The following CLTRN variants were observed in gnomAD, a reference collection of about 807,000 sequenced individuals.
The protein encoded by CLTRN is collectrin.
A neutral mutation model predicts 14.5 loss-of-function variants in CLTRN; 12 were observed. The observed-to-expected ratio is 0.83, with a 90% confidence interval of 0.53 to 1.34. The LOEUF (loss-of-function observed/expected upper bound fraction) is 1.34, where lower values mean the gene tolerates loss of function less well. Ranked by LOEUF, CLTRN falls within the 40% of genes most tolerant of loss-of-function variation. The probability of loss-of-function intolerance (pLI) is 0.00; values close to 1 mark genes in which losing one functional copy is unlikely to be tolerated. For synonymous variants in CLTRN, 58 were observed against 56.5 expected (o/e 1.03, Z -0.12); for missense variants, 154 against 165.1 (o/e 0.93, Z 0.37).
chrX:15,646,694 G>A (rs1929084763), intron 3 of CLTRN: 1 of 341,813 alleles, frequency 2.9e-6, no homozygotes, highest in African/African-American at 2.6e-5. Context: ...CCGAGGCCTG[G>A]AGGTGCTTTC....
upstream of CLTRN, chrX:15,664,956 C>T: frequency 4.7e-6 from 2 of 426,552 alleles, no homozygotes; most frequent in Non-Finnish European, 8.3e-6. Context: ...AACAGCCCAT[C>T]TCCTGTCAGT....
At chrX:15,648,106 C>T (rs925283237) in intron 3 of CLTRN, among the ~76,000 whole-genome samples, 6 of 101,518 alleles carry the variant, frequency 5.9e-5, no homozygotes, top group African/African-American at 2.2e-4. Flanking sequence ...GAACAGAAAA[C>T]GCAGCTACCA....
At chrX:15,637,377 A>G (rs16980050) in intron 5 of CLTRN, among the ~76,000 whole-genome samples, 4,311 of 111,783 alleles carry the variant, frequency 0.039, 202 homozygotes, top group African/African-American at 0.12. Context: ...TTTGTCCAGG[A>G]GAAACCCATC....
At chrX:15,663,113 G>A (rs1217947612) in intron 2 of CLTRN, among the ~76,000 whole-genome samples, 1 of 111,876 alleles carries the variant, frequency 8.9e-6, no homozygotes, top group Non-Finnish European at 1.9e-5. Flanking sequence ...CCTTGACAAA[G>A]CCGAAGTGCC....
Position 15,645,001 on chromosome X carries a change from T to TAGG in CLTRN, c.231_232insCCT (p.Val77_Thr78insPro). 1 of 1,201,260 alleles carries TAGG rather than the reference T, an allele frequency of 8.3e-7. No homozygotes were observed. Among genetic ancestry groups the TAGG allele is most frequent in the South Asian group, 1.8e-5 (1 of 54,752 alleles). The stretch of plus-strand genomic sequence containing the variant: ...ACAAACCAGAATGATACCCTCTGGG[T>TAGG]TACATTGCAAAGTAGGACATGGGAA... On this transcript the variant is annotated inframe_insertion, in exon 4 of 6. Coordinates refer to ENST00000380342, the MANE Select transcript of CLTRN (RefSeq NM_020665.6).
At chrX:15,661,391 G>A (rs1929503044) in intron 2 of CLTRN, among the ~76,000 whole-genome samples, 1 of 111,963 alleles carries the variant, frequency 8.9e-6, no homozygotes, top group South Asian at 3.7e-4. Flanking sequence ...TTTGGTCACA[G>A]AACAAAGGTC....
chrX:15,662,999 G>A (rs1365002390), intron 2 of CLTRN, among the ~76,000 whole-genome samples: 1 of 111,361 alleles, frequency 9.0e-6, no homozygotes, highest in Non-Finnish European at 1.9e-5. Context: ...TCCTTCCTGT[G>A]ATAAGCCTTT....
At chrX:15,635,488 G>T (rs943867212) in intron 5 of CLTRN, among the ~76,000 whole-genome samples, 2 of 112,087 alleles carry the variant, frequency 1.8e-5, no homozygotes, top group Admixed American at 1.9e-4. Context: ...TGCACTTATG[G>T]TCAACAGATC....
intron 3 of CLTRN, among the ~76,000 whole-genome samples, chrX:15,652,181 T>C (rs184165137): frequency 5.5e-4 from 62 of 112,370 alleles, no homozygotes; most frequent in African/African-American, 1.7e-3. Flanking sequence ...TGTGACTACA[T>C]TGAATGTCCT....
In CLTRN at chrX:15,628,091, T is replaced by G; in HGVS notation, c.549A>C (p.Glu183Asp). The G allele has an allele frequency of 8.8e-7, 1 of 1,139,302 alleles. No homozygotes were observed. The highest frequency in any genetic ancestry group is 2.3e-5 in the South Asian group (1 of 44,121). The allele number at this position is 1,139,302 out of a possible 1,213,427, so 93.9% of individuals were successfully genotyped here. The change falls in exon 6 of 6, where the codon GAA (glutamate) becomes GAC (aspartate). Residue 183 changes from glutamate (E) to aspartate (D), a missense_variant. Physicochemically the swap from Glu to Asp is conservative, Grantham distance 45. Transcript: ENST00000380342. ...NKEPSEVDDA[E>D]DKCENMITIE... ...TTGTGATCATGTTTTCACACTTATC[T>G]TCAGCGTCATCCACTTCAGATGGTT...
At chrX:15,674,577 G>A (rs191623390) in intron 1 of CLTRN, among the ~76,000 whole-genome samples, 53 of 112,719 alleles carry the variant, frequency 4.7e-4, no homozygotes, top group Non-Finnish European at 7.7e-4. Context: ...ACGAGTTGTG[G>A]TGTTTAGAGT....
At chrX:15,631,516 G>A (rs1000364220) in intron 5 of CLTRN, among the ~76,000 whole-genome samples, 14 of 111,943 alleles carry the variant, frequency 1.3e-4, no homozygotes, top group African/African-American at 4.5e-4. Context: ...AAGGAATCTC[G>A]CTTCCCCCTT....
At chrX:15,630,128 G>T (rs1354802891) in intron 5 of CLTRN, among the ~76,000 whole-genome samples, 2 of 111,703 alleles carry the variant, frequency 1.8e-5, no homozygotes, top group African/African-American at 6.5e-5. Flanking sequence ...AACAAATGAT[G>T]AAAGGTGGAT....
upstream of CLTRN, among the ~76,000 whole-genome samples, chrX:15,669,734 A>C (rs1929682203): frequency 8.9e-6 from 1 of 112,118 alleles, no homozygotes; most frequent in Non-Finnish European, 1.9e-5. Flanking sequence ...CAATAAAGCA[A>C]GAGGTGGAGA....
Position 15,628,064 on chromosome X carries a change from A to G in CLTRN, c.576T>C (p.Ile192=). 8.7e-7 allele frequency: 1 copy of G among 1,151,080 alleles called. No homozygotes were observed. Among genetic ancestry groups the G allele is most frequent in the Non-Finnish European group, 1.2e-6 (1 of 862,342 alleles). The allele number at this position is 1,151,080 out of a possible 1,213,427, so 94.9% of individuals were successfully genotyped here. The change falls in exon 6 of 6, where the codon ATT becomes ATC. Residue 192 remains isoleucine (I), a synonymous_variant. Transcript: ENST00000380342. ...AEDKCENMIT[I]ENGIPSDPLD... Reference sequence around the variant, plus strand: ...GGGGATCAGAGGGGATGCCATTTTCAATTGTGATCATGTTTTCACACTTAT... The same window carrying G: ...GGGGATCAGAGGGGATGCCATTTTCGATTGTGATCATGTTTTCACACTTAT...
At chrX:15,647,835 C>T (rs200181796) in intron 3 of CLTRN, among the ~76,000 whole-genome samples, 27 of 57,061 alleles carry the variant, frequency 4.7e-4, no homozygotes, top group East Asian at 1.8e-3. Context: ...AATGAAGTGG[C>T]GCATGCTGGA....
At chrX:15,667,662 C>G (rs1929648121), upstream of CLTRN, among the ~76,000 whole-genome samples, 1 of 111,843 alleles carries the variant, frequency 8.9e-6, no homozygotes, top group Admixed American at 9.4e-5. Flanking sequence ...AAACTGGGGT[C>G]ATGCTATTAT....
Position 15,639,739 on chromosome X carries a change from A to G in CLTRN, c.335T>C (p.Ile112Thr), listed in dbSNP as rs1469865619. ...QSAIRMNKNRINNAFFLNDQT... is the reference protein window; with the variant it reads ...QSAIRMNKNRTNNAFFLNDQT... ...GTCATTTAGAAAGAAGGCATTGTTG[A>G]TCCGGTTCTTGTTCATTCTAAAATG... Residue 112 changes from isoleucine to threonine, a missense_variant, in exon 5 of 6, where the codon ATC (isoleucine) becomes ACC (threonine). Physicochemically the swap from Ile to Thr is moderately conservative, Grantham distance 89. Coordinates refer to ENST00000380342, the MANE Select transcript of CLTRN (RefSeq NM_020665.6). The G allele has an allele frequency of 2.5e-6, 3 of 1,202,393 alleles. No individual in the cohort carries two copies. The highest frequency in any genetic ancestry group is 3.4e-6 in the Non-Finnish European group (3 of 892,619).
upstream of CLTRN, among the ~76,000 whole-genome samples, chrX:15,667,718 T>C (rs1436589962): frequency 1.8e-5 from 2 of 111,628 alleles, no homozygotes; most frequent in East Asian, 5.6e-4. Flanking sequence ...TTGTTGTTGT[T>C]TGTTGTTTTT....
Sources: allele counts gnomAD v4.1 joint callset (sites outside exome capture counted in the v4.1 genomes callset), GRCh38; gene constraint gnomAD v4.1.1; transcripts MANE v1.5; gene names NCBI Gene and HGNC (gene_info 2026-07-23, HGNC 2026-07-21).